FARS2: variants seen among roughly 807,000 people sequenced by gnomAD.
FARS2 encodes the protein phenylalanyl-tRNA synthetase 2, mitochondrial, also known as phenylalanine--tRNA ligase, mitochondrial.
A neutral mutation model predicts 46.4 loss-of-function variants in FARS2; 40 were observed. The observed-to-expected ratio is 0.86, with a 90% CI of 0.67 to 1.12. The LOEUF is 1.12. Among genes scored for constraint, FARS2 ranks in the 50% most tolerant of loss-of-function variants. FARS2 has a pLI of 0.00. For missense variants in FARS2, 513 were observed against 567.9 expected, an observed-to-expected ratio of 0.90 and a Z score of 0.98; for synonymous variants, 234 against 214.9, an observed-to-expected ratio of 1.09 and a Z score of -0.78.
intron 4 of FARS2, among the ~76,000 whole-genome samples, chr6:5,510,274 AGTCGACCCCTTAGGGAAGACTCTGCCTGG>A (rs938827688): frequency 6.6e-6 from 1 of 152,170 alleles, no homozygotes. Context: ...CAGATGAGTT[AGTCGACCCCTTAGGGAAGACTCTGCCTGG>A]GTCGACCCCT....
At chr6:5,556,237 A>G (rs1177275344) in intron 5 of FARS2, among the ~76,000 whole-genome samples, 2 of 152,126 alleles carry the variant, frequency 1.3e-5, no homozygotes. Context: ...GGCTGTGCCT[A>G]CCTTTCATAG....
chr6:5,724,064 G>A (rs575094146), intron 6 of FARS2, among the ~76,000 whole-genome samples: 11 of 152,216 alleles, frequency 7.2e-5, no homozygotes, highest in Non-Finnish European at 4.4e-5. Context: ...ACGGGAGGCC[G>A]CTCCAGGCAA....
chr6:5,266,018 T>C (rs1029466955), intron 1 of FARS2, among the ~76,000 whole-genome samples: 2 of 151,836 alleles, frequency 1.3e-5, no homozygotes, highest in Non-Finnish European at 2.9e-5. Context: ...ATGGAGGAGG[T>C]AGTGTTTGTG....
intron 6 of FARS2, among the ~76,000 whole-genome samples, chr6:5,700,157 A>G (rs550899515): frequency 2.0e-5 from 3 of 152,368 alleles, no homozygotes; most frequent in Non-Finnish European, 2.9e-5. Flanking sequence ...TGCCACGGCT[A>G]CAAGTCACGG....
At chr6:5,448,671 G>T (rs902058301) in intron 4 of FARS2, among the ~76,000 whole-genome samples, 4 of 152,154 alleles carry the variant, frequency 2.6e-5, no homozygotes, top group South Asian at 2.1e-4. Flanking sequence ...ATGTACATGT[G>T]TCACATTTTG....
At chr6:5,518,729 A>G (rs1285598837) in intron 4 of FARS2, among the ~76,000 whole-genome samples, 4 of 152,236 alleles carry the variant, frequency 2.6e-5, no homozygotes, top group Admixed American at 2.6e-4. Context: ...TGTTGGCATC[A>G]TGCAAGAAAT....
At chr6:5,296,357 G>C (rs1233023514) in intron 1 of FARS2, among the ~76,000 whole-genome samples, 2 of 151,926 alleles carry the variant, frequency 1.3e-5, no homozygotes, top group Non-Finnish European at 2.9e-5. Context: ...TAGCCAGGAT[G>C]GTCTCGATCT....
intron 6 of FARS2, among the ~76,000 whole-genome samples, chr6:5,692,358 G>A (rs1258045374): frequency 6.6e-6 from 1 of 152,184 alleles, no homozygotes; most frequent in African/African-American, 2.4e-5. Flanking sequence ...TTCTTAGGCT[G>A]TTTAAAATTT....
chr6:5,269,528 A>C (rs1262727610), intron 1 of FARS2, among the ~76,000 whole-genome samples: 1 of 151,746 alleles, frequency 6.6e-6, no homozygotes, highest in African/African-American at 2.4e-5. Flanking sequence ...GCTGTTTAGC[A>C]GTATCTCATT....
At position 5,555,557 on chromosome 6, in the gene FARS2, A is replaced by C. The variant is rs142413101; in HGVS notation, c.1065+10217A>C. Among the ~76,000 whole-genome samples the C allele has an allele frequency of 3.3e-5, 5 of 152,222 alleles. No homozygotes were observed. The East Asian group carries it at 9.7e-4, about 29-fold the overall frequency. On this transcript the variant is annotated intron_variant, in intron 5 of 6. Coordinates refer to ENST00000274680, the MANE Select transcript of FARS2 (RefSeq NM_006567.5). Reference sequence around the variant, plus strand: ...AGCTTCTAGATCTGGTTTTGCTGTCATTATCATAAATGTTGTCTAATAGAG... The same window carrying C: ...AGCTTCTAGATCTGGTTTTGCTGTCCTTATCATAAATGTTGTCTAATAGAG...
intron 5 of FARS2, among the ~76,000 whole-genome samples, chr6:5,587,534 C>T (rs1201941907): frequency 3.3e-5 from 5 of 152,248 alleles, no homozygotes; most frequent in Non-Finnish European, 7.4e-5. Context: ...ATCTTTCCAC[C>T]ACAGCATATT....
intron 4 of FARS2, among the ~76,000 whole-genome samples, chr6:5,540,753 C>T (rs184943561): frequency 2.0e-4 from 31 of 152,238 alleles, no homozygotes; most frequent in African/African-American, 7.0e-4. Flanking sequence ...ATATGTACAG[C>T]GTGTTTGTCA....
At chr6:5,447,894 G>T (rs1562048033) in intron 4 of FARS2, among the ~76,000 whole-genome samples, 1 of 152,226 alleles carries the variant, frequency 6.6e-6, no homozygotes, top group East Asian at 1.9e-4. Flanking sequence ...CAGGCTTGGA[G>T]GCAAGTGGCC....
At chr6:5,433,287 C>T (rs1763334987) in intron 4 of FARS2, among the ~76,000 whole-genome samples, 1 of 152,282 alleles carries the variant, frequency 6.6e-6, no homozygotes, top group South Asian at 2.1e-4. Context: ...GAGGGGATTC[C>T]TCTCAAGTGC....
chr6:5,605,913 AAAG>A (rs1482415383), intron 5 of FARS2, among the ~76,000 whole-genome samples: 10 of 152,354 alleles, frequency 6.6e-5, no homozygotes, highest in African/African-American at 1.9e-4. Context: ...TCATTAAAAT[AAAG>A]AAGGAAAAGC....
At chr6:5,409,413 C>T (rs1331303241) in intron 3 of FARS2, among the ~76,000 whole-genome samples, 13 of 150,692 alleles carry the variant, frequency 8.6e-5, no homozygotes, top group Admixed American at 6.6e-4. Context: ...ATTGCACCAC[C>T]GTACTCCAGC....
At chr6:5,444,156 C>T (rs1455110287) in intron 4 of FARS2, among the ~76,000 whole-genome samples, 1 of 150,934 alleles carries the variant, frequency 6.6e-6, no homozygotes, top group Non-Finnish European at 1.5e-5. Flanking sequence ...TGCATATGTT[C>T]GCAATATAAT....
chr6:5,434,331 C>T (rs190648118), intron 4 of FARS2, among the ~76,000 whole-genome samples: 106 of 152,118 alleles, frequency 7.0e-4, no homozygotes, highest in South Asian at 5.2e-3. Flanking sequence ...AGGCTGGTCT[C>T]GAACTCTTGA....
chr6:5,260,853 G>A (rs2127792424), upstream of FARS2: 1 of 1,492,406 alleles, frequency 6.7e-7, no homozygotes, highest in East Asian at 2.5e-5. Flanking sequence ...GCTCGGCTTT[G>A]CCAGCGGGCC....
Sources: gnomAD v4.1 joint callset for allele counts (sites outside exome capture counted in the v4.1 genomes callset) on GRCh38, gnomAD v4.1.1 for gene constraint, MANE v1.5 for transcripts, NCBI Gene and HGNC (gene_info 2026-07-23, HGNC 2026-07-21) for gene names.